The following RTL9 variants were observed in gnomAD, a reference collection of about 807,000 sequenced individuals.
RTL9 encodes the protein retrotransposon Gag like 9, also known as retrotransposon Gag-like protein 9.
A neutral mutation model predicts 44.7 loss-of-function variants in RTL9; 19 were observed. That is an observed-to-expected ratio of 0.42 (90% confidence interval 0.30 to 0.62). The LOEUF (loss-of-function observed/expected upper bound fraction) is 0.62. RTL9 is among the 20% of genes least tolerant of loss of function. The pLI is 0.16. For missense variants in RTL9, 1,105 were observed against 1,080.6 expected, an observed-to-expected ratio of 1.02 and a Z score of -0.32; for synonymous variants, 407 against 398.9, an observed-to-expected ratio of 1.02 and a Z score of -0.24.
chrX:110,456,029 C>G (rs1355942613), exon 2 of RTL9: 1 of 112,330 alleles, frequency 8.9e-6, no homozygotes, highest in Non-Finnish European at 1.9e-5. Context: ...TTGTTTATGG[C>G]CTTTGTCTTG....
chrX:110,427,738 A>G (rs371490161), intron 1 of RTL9, among the ~76,000 whole-genome samples: 1 of 112,164 alleles, frequency 8.9e-6, no homozygotes, highest in East Asian at 2.8e-4. Context: ...TTTAAGGTCT[A>G]TCTCTTTGGT....
At chrX:110,431,859 T>A (rs1314140057) in intron 1 of RTL9, among the ~76,000 whole-genome samples, 1 of 111,660 alleles carries the variant, frequency 9.0e-6, no homozygotes, top group East Asian at 2.8e-4. Context: ...GCTGGCAAGG[T>A]CTGGGCTACC....
At chrX:110,379,553 C>T (rs993570688) in intron 1 of RTL9, among the ~76,000 whole-genome samples, 4 of 111,775 alleles carry the variant, frequency 3.6e-5, no homozygotes, top group African/African-American at 6.5e-5. Context: ...TGTGATTTTA[C>T]GTATTTTAAA....
At chrX:110,445,451 A>G (rs2068903146) in intron 2 of RTL9, among the ~76,000 whole-genome samples, 183 bp downstream of exon 2, 1 of 111,642 alleles carries the variant, frequency 9.0e-6, no homozygotes, top group African/African-American at 3.3e-5. Context: ...CTCTTTATTT[A>G]TAAAGAGCCG....
At chrX:110,425,999 AACG>A (rs2068751075) in intron 1 of RTL9, among the ~76,000 whole-genome samples, 2 of 108,867 alleles carry the variant, frequency 1.8e-5, no homozygotes, top group African/African-American at 6.8e-5. Flanking sequence ...CACACACACA[AACG>A]CACACACACA....
chrX:110,368,099 T>C (rs1272970429), intron 1 of RTL9, among the ~76,000 whole-genome samples: 1 of 108,489 alleles, frequency 9.2e-6, no homozygotes, highest in Non-Finnish European at 1.9e-5. Flanking sequence ...CCATGGCCTC[T>C]CAAATTGTTG....
intron 1 of RTL9, among the ~76,000 whole-genome samples, chrX:110,425,677 C>G (rs758635316): frequency 4.5e-5 from 5 of 112,141 alleles, no homozygotes; most frequent in Non-Finnish European, 9.4e-5. Context: ...TCACACAGCC[C>G]TACAGGAGCA....
chrX:110,446,896 T>C (rs1429392934), upstream of RTL9, among the ~76,000 whole-genome samples: 1 of 111,426 alleles, frequency 9.0e-6, no homozygotes, highest in Admixed American at 9.6e-5. Flanking sequence ...TTGGGAAAGC[T>C]AGTTAACCTC....
chrX:110,416,399 G>T (rs1429072116), upstream of RTL9, among the ~76,000 whole-genome samples: 2 of 112,112 alleles, frequency 1.8e-5, no homozygotes, highest in Non-Finnish European at 3.8e-5. Flanking sequence ...AAAAATGTTA[G>T]ATTATTTACT....
At chrX:110,440,985 A>G (rs910050874) in intron 1 of RTL9, among the ~76,000 whole-genome samples, 11 of 111,768 alleles carry the variant, frequency 9.8e-5, no homozygotes, top group Non-Finnish European at 2.1e-4. Context: ...TTCATCAGGT[A>G]TGTCAAAAAC....
chrX:110,379,746 A>G (rs2068405400), intron 1 of RTL9, among the ~76,000 whole-genome samples: 1 of 112,039 alleles, frequency 8.9e-6, no homozygotes, highest in Non-Finnish European at 1.9e-5. Context: ...TCATTTAGAC[A>G]GACTTCCCAA....
chrX:110,432,862 TC>T (rs1169565352), intron 1 of RTL9, among the ~76,000 whole-genome samples: 1 of 112,975 alleles, frequency 8.9e-6, no homozygotes, highest in Non-Finnish European at 1.9e-5. Flanking sequence ...CAAAGAGCTT[TC>T]ACAGCTGCCA....
intron 1 of RTL9, among the ~76,000 whole-genome samples, chrX:110,404,501 G>A (rs937994890): frequency 5.4e-5 from 6 of 112,039 alleles, no homozygotes; most frequent in Non-Finnish European, 1.1e-4. Context: ...CATGCTGGTT[G>A]GTAATAGGAA....
At chrX:110,383,233 A>G (rs1246587576) in intron 1 of RTL9, among the ~76,000 whole-genome samples, 1 of 111,211 alleles carries the variant, frequency 9.0e-6, no homozygotes, top group African/African-American at 3.3e-5. Context: ...TCTTCTTCCC[A>G]GGAGGCTTGC....
chrX:110,451,806 G>T (rs768005224), exon 1 of RTL9: 2 of 1,210,851 alleles, frequency 1.7e-6, no homozygotes, highest in East Asian at 3.0e-5. Context: ...AGCCTCTGGG[G>T]TGATGTCTGC....
At chrX:110,411,788 T>A (rs1214978640) in intron 1 of RTL9, among the ~76,000 whole-genome samples, 2 of 112,597 alleles carry the variant, frequency 1.8e-5, no homozygotes, top group African/African-American at 6.5e-5. Flanking sequence ...TGATTTACAA[T>A]GACATGATTT....
Position 110,453,967 on chromosome X carries a change from C to A in RTL9, c.3350C>A (p.Ser1117Ter). 8.3e-7 allele frequency: 1 copy of A among 1,211,977 alleles called. No individual in the cohort carries two copies. The highest frequency in any genetic ancestry group is 1.1e-6 in the Non-Finnish European group (1 of 895,583). ...CACATTAACATCACAGCCTCTGGATCAAAGCCCACATCGCACATGACTGCC... is the reference window on the plus strand; with the variant it reads ...CACATTAACATCACAGCCTCTGGATAAAAGCCCACATCGCACATGACTGCC... Residue 1117 changes from serine (S) to a stop codon, truncating the protein, a stop_gained, in exon 1 of 2, where the codon TCA (serine) becomes TAA (stop). Transcript: ENST00000540313. LOFTEE classifies it high-confidence loss of function.
chrX:110,437,158 G>A (rs912308761), intron 1 of RTL9, among the ~76,000 whole-genome samples: 2 of 111,690 alleles, frequency 1.8e-5, no homozygotes, highest in African/African-American at 6.5e-5. Flanking sequence ...CTCTCTAGTG[G>A]GACTGAGAAG....
chrX:110,432,328 C>T (rs1416369386), intron 1 of RTL9, among the ~76,000 whole-genome samples: 1 of 112,422 alleles, frequency 8.9e-6, no homozygotes, highest in Non-Finnish European at 1.9e-5. Flanking sequence ...ACCACTACAC[C>T]CCCTGCCGGG....
Sources: allele counts gnomAD v4.1 joint callset (sites outside exome capture counted in the v4.1 genomes callset), GRCh38; gene constraint gnomAD v4.1.1; transcripts MANE v1.5; gene names NCBI Gene and HGNC (gene_info 2026-07-23, HGNC 2026-07-21).